Variants in NRXN1 observed in about 807,000 individuals in gnomAD.
NRXN1 encodes the protein neurexin-1.
Under a neutral mutation model 150.9 loss-of-function variants are expected in NRXN1, and 39 were observed. That is an observed-to-expected ratio of 0.26 (90% CI 0.20 to 0.34). The LOEUF (loss-of-function observed/expected upper bound fraction) is 0.34, where lower values mean the gene tolerates loss of function less well. Among genes scored for constraint, NRXN1 ranks in the 10% least tolerant of loss-of-function variants. The probability of loss-of-function intolerance (pLI) is 1.00; values close to 1 mark genes in which losing one functional copy is unlikely to be tolerated. For missense variants in NRXN1, 1,815 were observed against 1,949.9 expected (o/e 0.93, Z 1.30); for synonymous variants, 924 against 757.0 (o/e 1.22, Z -3.62).
intron 21 of NRXN1, among the ~76,000 whole-genome samples, chr2:50,005,280 C>T (rs1022615556): frequency 3.9e-5 from 6 of 152,050 alleles, no homozygotes; most frequent in South Asian, 2.1e-4. Context: ...ATACTATGCA[C>T]GACAAAGATA....
chr2:50,119,284 A>G (rs2152734063), intron 18 of NRXN1, among the ~76,000 whole-genome samples: 1 of 152,302 alleles, frequency 6.6e-6, no homozygotes, highest in African/African-American at 2.4e-5. Flanking sequence ...AAAGAATGTA[A>G]ACAATAGAAA....
intron 12 of NRXN1, among the ~76,000 whole-genome samples, chr2:50,509,345 T>C (rs1262892044): frequency 2.0e-5 from 3 of 152,102 alleles, no homozygotes; most frequent in East Asian, 1.9e-4. Flanking sequence ...TGCTAGCAAA[T>C]CCTACACACC....
chr2:50,174,817 A>C (rs937196544), intron 18 of NRXN1: 4 of 152,204 alleles, frequency 2.6e-5, no homozygotes, highest in African/African-American at 9.6e-5. Context: ...CAAATATTTA[A>C]AAAGCCAGAA....
rs1052310656 is a variant in NRXN1 at position 50,834,999 on chromosome 2, A to G, written c.832+86870T>C. The stretch of plus-strand genomic sequence containing the variant: ...CAGACTATTAGATTTGTCTTCTTTC[A>G]TATCAGAAAGGCAAAGAAATTACTA... On this transcript the variant is annotated intron_variant, in intron 5 of 22. Transcript: ENST00000401669. Among the ~76,000 whole-genome samples, 8 of 152,278 alleles carry G rather than the reference A, an allele frequency of 5.3e-5. No homozygotes were observed. The South Asian group carries it at 1.5e-3, about 28-fold the overall frequency.
chr2:50,552,510 G>A, intron 9 of NRXN1, 77 bp downstream of exon 9: 1 of 1,084,324 alleles, frequency 9.2e-7, no homozygotes, highest in Non-Finnish European at 1.4e-6. Flanking sequence ...AATATGTCTT[G>A]GTTTTCACTT....
At chr2:50,758,444 TCTTC>T (rs1223334102) in intron 5 of NRXN1, among the ~76,000 whole-genome samples, 4 of 151,880 alleles carry the variant, frequency 2.6e-5, no homozygotes, top group Admixed American at 2.0e-4. Flanking sequence ...GCTGATTATA[TCTTC>T]CTTCTTATAA....
intron 17 of NRXN1, among the ~76,000 whole-genome samples, chr2:50,318,555 G>A (rs978588056): frequency 2.6e-5 from 4 of 151,824 alleles, no homozygotes; most frequent in African/African-American, 9.7e-5. Context: ...GCATAGAGTG[G>A]GTTACAATAT....
chr2:50,147,971 A>G (rs2058449013), intron 18 of NRXN1, among the ~76,000 whole-genome samples: 1 of 151,668 alleles, frequency 6.6e-6, no homozygotes, highest in African/African-American at 2.4e-5. Context: ...TGAGTGGGGC[A>G]TCTATAAGTT....
chr2:50,903,052 C>A (rs1683169027), intron 5 of NRXN1, among the ~76,000 whole-genome samples: 2 of 152,028 alleles, frequency 1.3e-5, no homozygotes. Flanking sequence ...AATAATATCA[C>A]TTTATTCAAG....
intron 18 of NRXN1, among the ~76,000 whole-genome samples, chr2:50,135,848 C>G (rs970382547): frequency 1.3e-5 from 2 of 152,104 alleles, no homozygotes; most frequent in African/African-American, 4.8e-5. Context: ...TCAAATAATT[C>G]TACTGAGGAA....
At chr2:50,998,868 A>T (rs143049410) in intron 2 of NRXN1, among the ~76,000 whole-genome samples, 44 of 152,190 alleles carry the variant, frequency 2.9e-4, no homozygotes, top group African/African-American at 1.0e-3. Flanking sequence ...TTTAAAATTA[A>T]TATAGAAATG....
At chr2:50,650,368 G>A (rs145276700) in intron 5 of NRXN1, among the ~76,000 whole-genome samples, 1 of 152,058 alleles carries the variant, frequency 6.6e-6, no homozygotes, top group Non-Finnish European at 1.5e-5. Context: ...AGTCAACACA[G>A]TTCTGGAAGG....
At chr2:50,720,147 C>G (rs971443153) in intron 5 of NRXN1, among the ~76,000 whole-genome samples, 1 of 152,060 alleles carries the variant, frequency 6.6e-6, no homozygotes, top group Non-Finnish European at 1.5e-5. Context: ...TGGATCAGAA[C>G]ATGCAATTTC....
At chr2:50,117,407 C>T (rs551202116) in intron 18 of NRXN1, among the ~76,000 whole-genome samples, 2 of 152,224 alleles carry the variant, frequency 1.3e-5, no homozygotes, top group Admixed American at 1.3e-4. Flanking sequence ...GGATTTTCCA[C>T]ACCCTTCTCC....
intron 17 of NRXN1, among the ~76,000 whole-genome samples, chr2:50,360,768 C>T (rs933516208): frequency 2.0e-5 from 3 of 152,012 alleles, no homozygotes; most frequent in Non-Finnish European, 4.4e-5. Flanking sequence ...CAGACCTAAT[C>T]GACATCTCCA....
At chr2:50,762,201 A>G (rs1454324232) in intron 5 of NRXN1, among the ~76,000 whole-genome samples, 2 of 151,770 alleles carry the variant, frequency 1.3e-5, no homozygotes, top group East Asian at 2.0e-4. Flanking sequence ...TACAACAGGC[A>G]TGATCATAGC....
At chr2:50,627,878 C>A (rs1262206082) in intron 5 of NRXN1, among the ~76,000 whole-genome samples, 1 of 151,486 alleles carries the variant, frequency 6.6e-6, no homozygotes, top group Admixed American at 6.6e-5. Context: ...TGCCACAACA[C>A]CTGTGTGTCA....
intron 18 of NRXN1, among the ~76,000 whole-genome samples, chr2:50,197,925 C>G (rs1309970139): frequency 6.6e-6 from 1 of 152,170 alleles, no homozygotes; most frequent in African/African-American, 2.4e-5. Context: ...ATTTGCCACT[C>G]TTTTCCTTCA....
intron 5 of NRXN1, among the ~76,000 whole-genome samples, chr2:50,854,280 G>T (rs1456684080): frequency 6.6e-6 from 1 of 151,958 alleles, no homozygotes; most frequent in Non-Finnish European, 1.5e-5. Flanking sequence ...CACTTAACTG[G>T]CTAAAAATAC....
Sources: gnomAD v4.1 joint callset for allele counts (sites outside exome capture counted in the v4.1 genomes callset) on GRCh38, gnomAD v4.1.1 for gene constraint, MANE v1.5 for transcripts, NCBI Gene and HGNC (gene_info 2026-07-23, HGNC 2026-07-21) for gene names.